ELFN1: variants seen among roughly 807,000 people sequenced by gnomAD.
ELFN1 encodes protein ELFN1.
A neutral mutation model predicts 7.6 loss-of-function variants in ELFN1; 6 were observed. The ratio of observed to expected loss-of-function variants is 0.79; its 90% CI spans 0.43 to 1.56. The LOEUF is 1.56. Among genes scored for constraint, ELFN1 ranks in the 40% most tolerant of loss-of-function variants. ELFN1 has a pLI of 0.01. For missense variants in ELFN1, 1,169 were observed against 1,232.2 expected, an observed-to-expected ratio of 0.95 and a Z score of 0.77; for synonymous variants, 657 against 588.1, an observed-to-expected ratio of 1.12 and a Z score of -1.70.
intron 2 of ELFN1, among the ~76,000 whole-genome samples, chr7:1,703,553 G>C (rs967386070): frequency 1.5e-4 from 23 of 152,186 alleles, no homozygotes; most frequent in African/African-American, 5.5e-4. Flanking sequence ...TTGTGGGGCT[G>C]TGGGGTGTGA....
intron 1 of ELFN1, among the ~76,000 whole-genome samples, chr7:1,679,037 G>A (rs1411019891): frequency 3.9e-5 from 6 of 152,214 alleles, no homozygotes; most frequent in Admixed American, 2.0e-4. Flanking sequence ...CATCACCTCC[G>A]CTGGGCTGCG....
chr7:1,677,015 G>A (rs779773621), intron 1 of ELFN1, among the ~76,000 whole-genome samples: 6 of 152,232 alleles, frequency 3.9e-5, no homozygotes, highest in East Asian at 1.9e-4. Flanking sequence ...AGGGTAGCCC[G>A]TACTGGGTGC....
chr7:1,727,930 C>G (rs1043465900), intron 3 of ELFN1, among the ~76,000 whole-genome samples: 1 of 152,156 alleles, frequency 6.6e-6, no homozygotes, highest in Non-Finnish European at 1.5e-5. Flanking sequence ...TATTTGCAGC[C>G]TGTTGGACTT....
chr7:1,726,640 C>A (rs1780204839), intron 3 of ELFN1, among the ~76,000 whole-genome samples: 1 of 152,218 alleles, frequency 6.6e-6, no homozygotes. Context: ...AGGGAGGGCC[C>A]CCAAGTCCCT....
At chr7:1,700,739 C>T (rs62435472) in intron 2 of ELFN1, among the ~76,000 whole-genome samples, 19,652 of 152,246 alleles carry the variant, frequency 0.13, 1,623 homozygotes, top group South Asian at 0.23. Flanking sequence ...CGAGAGTTCC[C>T]GTTGCTCCAC....
At position 1,705,215 on chromosome 7, in the gene ELFN1, C is replaced by T. The variant is rs746254818; in HGVS notation, c.-455-3876C>T. On this transcript the variant is annotated intron_variant, in intron 2 of 3. Coordinates refer to ENST00000424383, the MANE Select transcript of ELFN1 (RefSeq NM_001128636.4). The surrounding 1 kb of genome is among the most constrained non-coding windows in gnomAD (Gnocchi z 4.3). ...AGGGTGGCAGGGACCCTGGGCGGGG[C>T]GGCACAGCTGTGCGGGAGGCTGGGC... Among the ~76,000 whole-genome samples the T allele has an allele frequency of 5.9e-4, 89 of 152,116 alleles. No homozygotes were observed. Among genetic ancestry groups the T allele is most frequent in the Non-Finnish European group, 4.6e-4 (31 of 67,990 alleles).
Position 1,747,291 on chromosome 7 carries a change from G to T in ELFN1, c.*208G>T. 2.4e-6 allele frequency: 1 copy of T among 421,566 alleles called. No homozygotes were observed. The highest frequency in any genetic ancestry group is 2.7e-5 in the African/African-American group (1 of 36,988). The allele number at this position is 421,566 out of a possible 1,614,324, so 26.1% of individuals were successfully genotyped here. A position where few individuals can be genotyped will look rare whatever the true frequency, so the allele number is the denominator to read the frequency against. On this transcript the variant is annotated 3_prime_UTR_variant, in exon 4 of 4. Transcript: ENST00000424383. ...TCCTGGGATGCGCTTGTCGCCCCGG[G>T]TGGCACGTGTCCACACACACACACA...
chr7:1,730,710 G>C (rs1434990390), intron 3 of ELFN1, among the ~76,000 whole-genome samples: 1 of 152,174 alleles, frequency 6.6e-6, no homozygotes, highest in African/African-American at 2.4e-5. Context: ...CAGTTCAACA[G>C]CCAGAATCAT....
At chr7:1,725,791 GCACA>G (rs1319983348) in intron 3 of ELFN1, among the ~76,000 whole-genome samples, 1 of 152,014 alleles carries the variant, frequency 6.6e-6, no homozygotes, top group South Asian at 2.1e-4. Flanking sequence ...CCACACATGC[GCACA>G]CACACAGTAC....
In ELFN1 at chr7:1,746,201, A is replaced by G. The variant is rs1396800518; in HGVS notation, c.1605A>G (p.Glu535=). 6.4e-7 allele frequency: 1 copy of G among 1,553,028 alleles called. No homozygotes were observed. Among genetic ancestry groups the G allele is most frequent in the Admixed American group, 1.9e-5 (1 of 51,300 alleles). ...YMEVRTGDPP[E]RRDCELGRPG... ...AGGTTCGAACCGGGGACCCTCCGGA[A>G]CGCAGGGACTGTGAGCTGGGCCGGC... The change falls in exon 4 of 4, where the codon GAA becomes GAG. Residue 535 remains glutamate (E), a synonymous_variant. Coordinates refer to ENST00000424383, the MANE Select transcript of ELFN1 (RefSeq NM_001128636.4).
rs748346698 is a variant in ELFN1, at chr7:1,746,320, C to T, written c.1724C>T (p.Ala575Val). 49 of 1,562,320 alleles carry T rather than the reference C, an allele frequency of 3.1e-5. No individual in the cohort carries two copies. The highest frequency in any genetic ancestry group is 1.5e-4 in the South Asian group (13 of 84,726). Residue 575 changes from alanine (A) to valine (V), a missense_variant, in exon 4 of 4, where the codon GCG becomes GTG. Ala to Val is a moderately conservative substitution (Grantham distance 64). Transcript: ENST00000424383. ...CAGATCATCAACAACTGCATCGACG[C>T]GCTCAAGTCCGAGTCCACCTCCTTC... ...VNQIINNCID[A>V]LKSESTSFQG...
intron 3 of ELFN1, among the ~76,000 whole-genome samples, chr7:1,728,637 C>T (rs551190494): frequency 2.0e-5 from 3 of 152,340 alleles, no homozygotes; most frequent in South Asian, 2.1e-4. Flanking sequence ...GACCACTTCA[C>T]GCCCCAGGCA....
chr7:1,737,210 C>G (rs901272890), intron 3 of ELFN1, among the ~76,000 whole-genome samples: 5 of 152,164 alleles, frequency 3.3e-5, no homozygotes, highest in Admixed American at 1.3e-4. Flanking sequence ...TGGTTACACC[C>G]CGTCTCGCAC....
chr7:1,700,724 G>A (rs1202373050), intron 2 of ELFN1, among the ~76,000 whole-genome samples: 1 of 152,254 alleles, frequency 6.6e-6, no homozygotes, highest in Non-Finnish European at 1.5e-5. Flanking sequence ...CCTCAGGACA[G>A]CGGACGAGAG....
chr7:1,697,107 G>A (rs186802532), intron 2 of ELFN1, among the ~76,000 whole-genome samples: 82 of 152,174 alleles, frequency 5.4e-4, no homozygotes, highest in Non-Finnish European at 1.1e-3. Flanking sequence ...TGGGCTTCGC[G>A]GCAGGGGTGA....
At chr7:1,678,908 G>C (rs1310707352) in intron 1 of ELFN1, among the ~76,000 whole-genome samples, 1 of 152,224 alleles carries the variant, frequency 6.6e-6, no homozygotes, top group African/African-American at 2.4e-5. Flanking sequence ...TGGAGCACGG[G>C]TGATGCCAGA....
At chr7:1,684,990 C>A (rs1008637229) in intron 1 of ELFN1, among the ~76,000 whole-genome samples, 6 of 152,326 alleles carry the variant, frequency 3.9e-5, no homozygotes, top group Non-Finnish European at 8.8e-5. Context: ...TCTGACATTT[C>A]CTTTCAGCCT....
At chr7:1,729,838 G>A (rs543345278) in intron 3 of ELFN1, among the ~76,000 whole-genome samples, 3 of 152,360 alleles carry the variant, frequency 2.0e-5, no homozygotes, top group Non-Finnish European at 2.9e-5. Flanking sequence ...TGAGATTGCA[G>A]TTTATTCATT....
chr7:1,737,762 G>A (rs1452402088), intron 3 of ELFN1, among the ~76,000 whole-genome samples: 1 of 152,142 alleles, frequency 6.6e-6, no homozygotes, highest in Non-Finnish European at 1.5e-5. Flanking sequence ...GAGTGCTCCT[G>A]TTTCCAGAGG....
Sources: allele counts gnomAD v4.1 joint callset (sites outside exome capture counted in the v4.1 genomes callset), GRCh38; gene constraint gnomAD v4.1.1; non-coding constraint Gnocchi (gnomAD v3.1); transcripts MANE v1.5; gene names NCBI Gene and HGNC (gene_info 2026-07-23, HGNC 2026-07-21).